The following GNA14 variants were observed in gnomAD, a reference collection of about 807,000 sequenced individuals.
GNA14 encodes guanine nucleotide-binding protein subunit alpha-14.
Under a neutral mutation model 42.0 loss-of-function variants are expected in GNA14, and 50 were observed. That is an observed-to-expected ratio of 1.19 (90% CI 0.95 to 1.51). The LOEUF is 1.51. Ranked by LOEUF, GNA14 falls within the 40% of genes most tolerant of loss-of-function variation. GNA14 has a pLI of 0.00. For missense variants in GNA14, 473 were observed against 446.2 expected, an observed-to-expected ratio of 1.06 and a Z score of -0.54; for synonymous variants, 173 against 163.1, an observed-to-expected ratio of 1.06 and a Z score of -0.46.
intron 1 of GNA14, among the ~76,000 whole-genome samples, chr9:77,639,884 G>T (rs1824232070): frequency 6.6e-6 from 1 of 152,240 alleles, no homozygotes; most frequent in Non-Finnish European, 1.5e-5. Context: ...TAATGAATGT[G>T]AGGGCTCTTG....
chr9:77,474,968 G>A lies in GNA14; in HGVS notation c.310-40446C>T, dbSNP rs183835438. 2.3e-3 allele frequency among the ~76,000 whole-genome samples: 342 copies of A among 149,264 alleles called. 1 individual carries two copies. The highest frequency in any genetic ancestry group is 4.2e-3 in the Non-Finnish European group (282 of 67,918). On this transcript the variant is annotated intron_variant, in intron 2 of 6. Transcript: ENST00000341700. Reference sequence around the variant, plus strand: ...GGTCAAATTCATAGAGACATAAACCGGATTAGTTGTCACCTAGGACTGGGA... The same window carrying A: ...GGTCAAATTCATAGAGACATAAACCAGATTAGTTGTCACCTAGGACTGGGA...
chr9:77,547,051 C>G (rs1837727992), intron 1 of GNA14, among the ~76,000 whole-genome samples: 1 of 152,204 alleles, frequency 6.6e-6, no homozygotes, highest in Non-Finnish European at 1.5e-5. Flanking sequence ...AATCCATAAG[C>G]AACCAGCTTT....
intron 2 of GNA14, among the ~76,000 whole-genome samples, chr9:77,489,444 C>A (rs1836719672): frequency 6.6e-6 from 1 of 152,128 alleles, no homozygotes; most frequent in African/African-American, 2.4e-5. Context: ...ACAGATTCAA[C>A]CCAAGTAAGA....
At chr9:77,434,588 G>T in intron 2 of GNA14, 66 bp from the exon 3 acceptor site, 3 of 1,406,544 alleles carry the variant, frequency 2.1e-6, no homozygotes, top group Non-Finnish European at 3.0e-6. Context: ...GGCAATGTCG[G>T]TACAAGTCTT....
At chr9:77,593,209 C>T (rs1823415647) in intron 1 of GNA14, among the ~76,000 whole-genome samples, 1 of 152,100 alleles carries the variant, frequency 6.6e-6, no homozygotes, top group African/African-American at 2.4e-5. Flanking sequence ...TGTGTGTTGT[C>T]AGAGATGTTA....
chr9:77,556,370 A>G (rs1822782156), intron 1 of GNA14, among the ~76,000 whole-genome samples: 1 of 152,170 alleles, frequency 6.6e-6, no homozygotes. Flanking sequence ...GGGGGCAGAG[A>G]TCATGAGGGA....
chr9:77,604,036 C>T (rs977349129), intron 1 of GNA14, among the ~76,000 whole-genome samples: 2 of 139,748 alleles, frequency 1.4e-5, no homozygotes, highest in Admixed American at 1.5e-4. Context: ...TAATCTGGAA[C>T]ATTACTTTTA....
intron 1 of GNA14, among the ~76,000 whole-genome samples, chr9:77,607,062 C>T (rs939044107): frequency 3.3e-5 from 5 of 152,118 alleles, no homozygotes; most frequent in African/African-American, 1.2e-4. Flanking sequence ...GAAATAAACG[C>T]TTGTTATTTA....
chr9:77,514,290 C>G (rs938572688), intron 2 of GNA14, among the ~76,000 whole-genome samples: 1 of 152,184 alleles, frequency 6.6e-6, no homozygotes, highest in Non-Finnish European at 1.5e-5. Flanking sequence ...GGGAGAACAG[C>G]TGAGCACGTC....
chr9:77,536,538 A>G (rs1564047331), intron 1 of GNA14, among the ~76,000 whole-genome samples: 3 of 152,128 alleles, frequency 2.0e-5, no homozygotes, highest in Admixed American at 6.5e-5. Context: ...TTTAGTAGAG[A>G]CGGGGTTTCA....
At chr9:77,603,977 A>C (rs1452411717) in intron 1 of GNA14, among the ~76,000 whole-genome samples, 1 of 145,248 alleles carries the variant, frequency 6.9e-6, no homozygotes, top group African/African-American at 2.5e-5. Context: ...AAAAAAAAAA[A>C]AAAACACCTC....
rs548873306 is a variant in GNA14, at chr9:77,607,349, A to C, written c.124+40321T>G. On this transcript the variant is annotated intron_variant, in intron 1 of 6. Transcript: ENST00000341700. ...GATTGCTGATGAATCCTAAAAGAAG[A>C]AGCCACCATAAGTCAGTACACAGGA... 5.8e-4 allele frequency among the ~76,000 whole-genome samples: 88 copies of C among 152,288 alleles called. 1 individual carries two copies. In the South Asian group the frequency reaches 0.018, roughly 31 times the overall value.
At chr9:77,633,751 G>T (rs1824135622) in intron 1 of GNA14, among the ~76,000 whole-genome samples, 1 of 152,118 alleles carries the variant, frequency 6.6e-6, no homozygotes, top group Non-Finnish European at 1.5e-5. Flanking sequence ...AAGAACCAAG[G>T]CTCTGGCATC....
At chr9:77,500,894 T>A (rs1322724933) in intron 2 of GNA14, among the ~76,000 whole-genome samples, 1 of 152,156 alleles carries the variant, frequency 6.6e-6, no homozygotes, top group African/African-American at 2.4e-5. Flanking sequence ...GGTTTTTGTG[T>A]GAATATAGTT....
chr9:77,551,143 A>G (rs554870750), intron 1 of GNA14, among the ~76,000 whole-genome samples: 1 of 152,316 alleles, frequency 6.6e-6, no homozygotes, highest in South Asian at 2.1e-4. Flanking sequence ...ATTATACTTT[A>G]TACAGAATGT....
chr9:77,477,400 T>C (rs1046993211), intron 2 of GNA14, among the ~76,000 whole-genome samples: 2 of 152,062 alleles, frequency 1.3e-5, no homozygotes, highest in South Asian at 2.1e-4. Flanking sequence ...TAAAAGTCCA[T>C]GTACTGAATC....
intron 2 of GNA14, among the ~76,000 whole-genome samples, chr9:77,483,330 G>A (rs528926147): frequency 6.6e-6 from 1 of 152,214 alleles, no homozygotes; most frequent in Non-Finnish European, 1.5e-5. Flanking sequence ...TCCAGACCCT[G>A]TTTGCCTGGG....
intron 1 of GNA14, among the ~76,000 whole-genome samples, chr9:77,581,167 G>A (rs1273694584): frequency 6.6e-6 from 1 of 152,126 alleles, no homozygotes; most frequent in Non-Finnish European, 1.5e-5. Context: ...AGGGAGATGT[G>A]GGAGTGGAAG....
Position 77,647,671 on chromosome 9 carries a change from C to T in GNA14, c.123G>A (p.Leu41=), listed in dbSNP as rs144900584. 24 of 1,607,054 alleles carry T rather than the reference C, an allele frequency of 1.5e-5. 1 individual carries two copies. In the African/African-American group the frequency reaches 2.3e-4, roughly 15 times the overall value. ...GGAGTCGGAGACGCAGCCACTCACC[C>T]AGCAGCAGCAGCTTAAGCTCACGGC... ...DARRELKLLL[L]GTGESGKSTF... Residue 41 remains leucine, a splice_region_variant and synonymous_variant, in exon 1 of 7, where the codon CTG becomes CTA. Coordinates refer to ENST00000341700, the MANE Select transcript of GNA14 (RefSeq NM_004297.4).
Sources: gnomAD v4.1 joint callset for allele counts (sites outside exome capture counted in the v4.1 genomes callset) on GRCh38, gnomAD v4.1.1 for gene constraint, MANE v1.5 for transcripts, NCBI Gene and HGNC (gene_info 2026-07-23, HGNC 2026-07-21) for gene names.